The following CCM2 variants were observed in gnomAD, a reference collection of about 807,000 sequenced individuals.
CCM2 encodes the protein cerebral cavernous malformations 2 protein.
Under a neutral mutation model 44.9 loss-of-function variants are expected in CCM2, and 25 were observed. The ratio of observed to expected loss-of-function variants is 0.56; its 90% CI spans 0.41 to 0.78. CCM2 has a LOEUF of 0.78. Ranked by LOEUF, CCM2 falls within the 30% of genes least tolerant of loss-of-function variation. CCM2 has a pLI of 0.00. For missense variants in CCM2, 481 were observed against 580.6 expected (o/e 0.83, Z 1.76); for synonymous variants, 219 against 241.1 (o/e 0.91, Z 0.85).
At chr7:45,032,675 C>A (rs564901220) in intron 1 of CCM2, among the ~76,000 whole-genome samples, 2 of 152,166 alleles carry the variant, frequency 1.3e-5, no homozygotes, top group Non-Finnish European at 2.9e-5. Context: ...CTGGTCCAAG[C>A]GTTCCATCAA....
At position 45,074,267 on chromosome 7, in the gene CCM2, C is replaced by G. The variant is rs373072247; in HGVS notation, c.916-3C>G. The G allele has an allele frequency of 1.9e-6, 3 of 1,613,414 alleles. No individual in the cohort carries two copies. Among genetic ancestry groups the G allele is most frequent in the African/African-American group, 2.7e-5 (2 of 74,956 alleles). ...CCCCCTATCTGGCTCTGCTCTCTTG[C>G]AGCTGCGCACCAAGCTGTCATCACA... On this transcript the variant is annotated splice_polypyrimidine_tract_variant and splice_region_variant and intron_variant, in intron 8 of 9. Transcript: ENST00000258781.
chr7:45,074,151 G>C, intron 8 of CCM2, 119 bp from the exon 9 acceptor site: 4 of 1,565,906 alleles, frequency 2.6e-6, no homozygotes, highest in Non-Finnish European at 3.4e-6. Context: ...AGCCTGTGCA[G>C]AGGTGAAGCC....
intron 1 of CCM2, 107 bp from the exon 2 acceptor site, chr7:45,038,146 C>A: frequency 1.5e-6 from 2 of 1,307,346 alleles, no homozygotes; most frequent in Non-Finnish European, 2.2e-6. Context: ...ATCCCTGTTG[C>A]ATGGGGGCCA....
intron 1 of CCM2, among the ~76,000 whole-genome samples, chr7:45,023,563 A>G (rs1462527086): frequency 6.6e-6 from 1 of 152,178 alleles, no homozygotes; most frequent in Non-Finnish European, 1.5e-5. Context: ...AAACAAAACT[A>G]ACAAAAACAA....
At chr7:45,047,028 A>G (rs2128736346) in intron 2 of CCM2, among the ~76,000 whole-genome samples, 1 of 152,326 alleles carries the variant, frequency 6.6e-6, no homozygotes, top group East Asian at 1.9e-4. Context: ...TGAGCTGCCA[A>G]TACACACCTA....
chr7:45,054,744 G>A (rs557772747), intron 2 of CCM2, among the ~76,000 whole-genome samples: 3 of 152,290 alleles, frequency 2.0e-5, no homozygotes, highest in South Asian at 4.1e-4. Flanking sequence ...CTGCTTCACC[G>A]TGGTCCTCTC....
chr7:45,000,615 C>G (rs933849265), intron 1 of CCM2, among the ~76,000 whole-genome samples: 1 of 152,190 alleles, frequency 6.6e-6, no homozygotes, highest in Non-Finnish European at 1.5e-5. Flanking sequence ...GACGGCCTTC[C>G]CTGCGCGTCG....
In CCM2 at chr7:45,008,213, T is replaced by A. The variant is rs566927287; in HGVS notation, c.30+7850T>A. ...TGTTCCCATGCCCGGCTAATTTTTT[T>A]ATTTTTGGTAGAGATGGGGTTTCCC... On this transcript the variant is annotated intron_variant, in intron 1 of 9. Transcript: ENST00000258781. Among the ~76,000 whole-genome samples the A allele has an allele frequency of 5.9e-5, 9 of 152,174 alleles. No homozygotes were observed. In the South Asian group the frequency reaches 1.7e-3, roughly 28 times the overall value.
intron 1 of CCM2, among the ~76,000 whole-genome samples, chr7:45,020,560 T>C (rs1429127680): frequency 6.6e-6 from 1 of 152,226 alleles, no homozygotes; most frequent in East Asian, 1.9e-4. Context: ...ATGTATGTAA[T>C]GCATCTGTAG....
intron 2 of CCM2, among the ~76,000 whole-genome samples, chr7:45,044,489 T>C (rs1212769517): frequency 6.6e-6 from 1 of 152,206 alleles, no homozygotes; most frequent in Non-Finnish European, 1.5e-5. Context: ...CACTTGCTTC[T>C]GAGGCATCTC....
chr7:45,008,687 C>G (rs917118892), intron 1 of CCM2, among the ~76,000 whole-genome samples: 2 of 152,066 alleles, frequency 1.3e-5, no homozygotes, highest in Non-Finnish European at 2.9e-5. Flanking sequence ...TAATGAGATG[C>G]CTTGGTCAGG....
At chr7:45,026,358 A>G (rs1315704341) in intron 1 of CCM2, among the ~76,000 whole-genome samples, 1 of 152,184 alleles carries the variant, frequency 6.6e-6, no homozygotes, top group African/African-American at 2.4e-5. Flanking sequence ...TCTGTGGTAT[A>G]TGGAATAATA....
chr7:45,073,335 C>A, intron 7 of CCM2, 125 bp from the exon 8 acceptor site: 1 of 702,256 alleles, frequency 1.4e-6, no homozygotes, highest in South Asian at 1.6e-5. Context: ...TCATCATCAT[C>A]ATCACTTACA....
In CCM2 at chr7:45,000,463, G is replaced by GA. The variant is rs1247327565; in HGVS notation, c.30+100_30+101insA. 5.9e-4 allele frequency: 128 copies of GA among 216,416 alleles called. 1 individual carries two copies. Among genetic ancestry groups the GA allele is most frequent in the Middle Eastern group, 1.4e-3 (1 of 696 alleles). The allele number at this position is 216,416 out of a possible 1,614,324, so 13.4% of individuals were successfully genotyped here. On this transcript the variant is annotated intron_variant, in intron 1 of 9. Transcript: ENST00000258781. ...GGTGTTCCTTGGGGCCCGGGGGGGGGGGCAGTGGGCCAGCTGGCGGGGCGG... is the reference window on the plus strand; with the variant it reads ...GGTGTTCCTTGGGGCCCGGGGGGGGGAGGCAGTGGGCCAGCTGGCGGGGCGG...
intron 4 of CCM2, chr7:45,067,768 G>T (rs1798854328): frequency 1.3e-5 from 2 of 155,776 alleles, no homozygotes; most frequent in South Asian, 1.9e-4. Flanking sequence ...ATGTGGCCTG[G>T]GACGGCCTTC....
intron 2 of CCM2, among the ~76,000 whole-genome samples, chr7:45,046,884 C>T (rs1257110919): frequency 6.6e-6 from 1 of 152,082 alleles, no homozygotes; most frequent in African/African-American, 2.4e-5. Flanking sequence ...AACAGTAAAA[C>T]AAACAATCCG....
intron 4 of CCM2, 128 bp from the exon 5 acceptor site, chr7:45,068,315 G>C: frequency 8.2e-7 from 1 of 1,226,872 alleles, no homozygotes; most frequent in Non-Finnish European, 1.2e-6. Context: ...CACCTGAGTC[G>C]TTCTGTGGGT....
intron 1 of CCM2, among the ~76,000 whole-genome samples, chr7:45,022,810 G>A (rs1796533751): frequency 6.6e-6 from 1 of 151,768 alleles, no homozygotes; most frequent in Non-Finnish European, 1.5e-5. Flanking sequence ...GTGCGATCTC[G>A]GCTCACTGCA....
chr7:45,072,882 C>T (rs1799148514), intron 7 of CCM2, 99 bp downstream of exon 7: 3 of 1,009,754 alleles, frequency 3.0e-6, no homozygotes, highest in Admixed American at 1.8e-5. Context: ...CATCTCAGCT[C>T]ACCCTCGCTA....
Sources: allele counts gnomAD v4.1 joint callset (sites outside exome capture counted in the v4.1 genomes callset), GRCh38; gene constraint gnomAD v4.1.1; transcripts MANE v1.5; gene names NCBI Gene and HGNC (gene_info 2026-07-23, HGNC 2026-07-21).